LYRM4: variants seen among roughly 807,000 people sequenced by gnomAD.
LYRM4 encodes the protein LYR motif-containing protein 4.
In LYRM4, 9 loss-of-function variants were observed where a neutral mutation model predicts 11.7. The observed-to-expected ratio is 0.77, with a 90% CI of 0.46 to 1.34. The LOEUF (loss-of-function observed/expected upper bound fraction) is 1.34, where lower values mean the gene tolerates loss of function less well. LYRM4 is among the 40% of genes most tolerant of loss of function. LYRM4 has a pLI of 0.00. For missense variants in LYRM4, 133 were observed against 112.5 expected, an observed-to-expected ratio of 1.18 and a Z score of -0.82; for synonymous variants, 42 against 40.4, an observed-to-expected ratio of 1.04 and a Z score of -0.15.
At chr6:5,163,056 G>A (rs982633595) in intron 2 of LYRM4, among the ~76,000 whole-genome samples, 8 of 151,640 alleles carry the variant, frequency 5.3e-5, no homozygotes, top group Non-Finnish European at 1.2e-4. Context: ...CTCAATAATA[G>A]TTACTCTGAT....
In LYRM4 at chr6:5,199,814, G is replaced by C. The variant is rs534757413; in HGVS notation, c.207+16804C>G. Among the ~76,000 whole-genome samples, 19 of 152,280 alleles carry C rather than the reference G, an allele frequency of 1.2e-4. No homozygotes were observed. In the South Asian group the frequency reaches 3.7e-3, roughly 30 times the overall value. On this transcript the variant is annotated intron_variant, in intron 2 of 2. Coordinates refer to ENST00000330636, the MANE Select transcript of LYRM4 (RefSeq NM_020408.6). Reference sequence around the variant, plus strand: ...CATTTGGCCCAGGGTATTAGCATTTGTCACTGGGTCAGCTCCCAACAGCCA... The same window carrying C: ...CATTTGGCCCAGGGTATTAGCATTTCTCACTGGGTCAGCTCCCAACAGCCA...
intron 1 of LYRM4, among the ~76,000 whole-genome samples, chr6:5,251,295 T>G (rs1764416743): frequency 1.3e-5 from 2 of 152,222 alleles, no homozygotes; most frequent in Non-Finnish European, 2.9e-5. Context: ...TTTTACAAAG[T>G]GAAAGGTGCT....
At chr6:5,162,013 A>C (rs76019203) in intron 2 of LYRM4, among the ~76,000 whole-genome samples, 84 of 152,270 alleles carry the variant, frequency 5.5e-4, no homozygotes, top group African/African-American at 1.7e-3. Context: ...GATTTACAAC[A>C]ACCCCCAGAA....
chr6:5,040,243 G>A, the LYRM4 span, among the ~76,000 whole-genome samples: 1 of 151,644 alleles, frequency 6.6e-6, no homozygotes, highest in Admixed American at 6.6e-5. Flanking sequence ...GCTTGAGCTC[G>A]AGAGGTTGAG....
At chr6:5,076,144 C>A in the LYRM4 span, among the ~76,000 whole-genome samples, 2 of 152,120 alleles carry the variant, frequency 1.3e-5, no homozygotes, top group African/African-American at 4.8e-5. Flanking sequence ...CAGGGTTTCA[C>A]CATGTTGCCC....
chr6:5,074,286 C>G, the LYRM4 span, among the ~76,000 whole-genome samples: 2 of 151,892 alleles, frequency 1.3e-5, no homozygotes, highest in Non-Finnish European at 2.9e-5. Flanking sequence ...TGAGTGGAAG[C>G]CATTATTACT....
At chr6:5,253,704 A>G (rs888575332) in intron 1 of LYRM4, among the ~76,000 whole-genome samples, 1 of 152,100 alleles carries the variant, frequency 6.6e-6, no homozygotes, top group African/African-American at 2.4e-5. Context: ...GAGAGCAATC[A>G]TGGAAACTGA....
the LYRM4 span, among the ~76,000 whole-genome samples, chr6:5,056,607 T>A: frequency 6.6e-6 from 1 of 152,214 alleles, no homozygotes; most frequent in African/African-American, 2.4e-5. Context: ...ATAGCAACAA[T>A]CACATTTGTT....
intron 2 of LYRM4, among the ~76,000 whole-genome samples, chr6:5,209,748 C>T (rs927488933): frequency 2.0e-5 from 3 of 152,236 alleles, no homozygotes; most frequent in East Asian, 1.9e-4. Context: ...GAATTGTAAA[C>T]GACACAGTGT....
intron 2 of LYRM4, among the ~76,000 whole-genome samples, chr6:5,181,526 C>A (rs1173594541): frequency 6.6e-6 from 1 of 152,168 alleles, no homozygotes; most frequent in Non-Finnish European, 1.5e-5. Flanking sequence ...CTGCCCATTC[C>A]CTAGATTTTC....
chr6:5,229,087 C>G (rs1055835763), intron 1 of LYRM4, among the ~76,000 whole-genome samples: 2 of 143,956 alleles, frequency 1.4e-5, no homozygotes, highest in Non-Finnish European at 3.0e-5. Flanking sequence ...AAATAGGGAA[C>G]AAGGTTTTAA....
At chr6:5,217,893 T>C (rs34903116) in intron 1 of LYRM4, among the ~76,000 whole-genome samples, 7,470 of 152,256 alleles carry the variant, frequency 0.049, 602 homozygotes, top group African/African-American at 0.16. Flanking sequence ...GAGCCAGGCA[T>C]GTGAGACACC....
intron 2 of LYRM4, among the ~76,000 whole-genome samples, chr6:5,125,641 G>A (rs1051159773): frequency 6.6e-6 from 1 of 152,194 alleles, no homozygotes; most frequent in Admixed American, 6.5e-5. Flanking sequence ...GCAGAGGGAG[G>A]CACCCCTCCC....
At chr6:5,246,797 C>A (rs1414045682) in intron 1 of LYRM4, among the ~76,000 whole-genome samples, 1 of 151,924 alleles carries the variant, frequency 6.6e-6, no homozygotes, top group Non-Finnish European at 1.5e-5. Flanking sequence ...AGGGCCCTCA[C>A]AGGAGGCAGG....
At chr6:5,137,078 G>A (rs933748928) in intron 2 of LYRM4, among the ~76,000 whole-genome samples, 13 of 152,120 alleles carry the variant, frequency 8.5e-5, no homozygotes, top group African/African-American at 1.2e-4. Context: ...TCACAGAAAC[G>A]AAATCACACA....
chr6:5,255,554 T>C (rs981965237), intron 1 of LYRM4, among the ~76,000 whole-genome samples: 1 of 152,060 alleles, frequency 6.6e-6, no homozygotes, highest in African/African-American at 2.4e-5. Flanking sequence ...CTTTTTGGGG[T>C]CCTCAGTAAT....
At chr6:5,246,458 C>G (rs1465897782) in intron 1 of LYRM4, among the ~76,000 whole-genome samples, 1 of 152,180 alleles carries the variant, frequency 6.6e-6, no homozygotes, top group African/African-American at 2.4e-5. Flanking sequence ...CACTGAACTT[C>G]CTCCTCCTAA....
downstream of LYRM4, chr6:5,107,127 T>C (rs1481656250): frequency 1.3e-5 from 2 of 152,288 alleles, no homozygotes; most frequent in Non-Finnish European, 2.9e-5. Flanking sequence ...TGTATCTTTC[T>C]GCAGATTCCA....
chr6:5,040,023 TGATA>T, the LYRM4 span, among the ~76,000 whole-genome samples: 2 of 152,222 alleles, frequency 1.3e-5, no homozygotes, highest in Admixed American at 6.5e-5. Context: ...AAATTAATCC[TGATA>T]GATCAATTAG....
Sources: allele counts gnomAD v4.1 joint callset (sites outside exome capture counted in the v4.1 genomes callset), GRCh38; gene constraint gnomAD v4.1.1; transcripts MANE v1.5; gene names NCBI Gene and HGNC (gene_info 2026-07-23, HGNC 2026-07-21).